POLN: variants seen among roughly 807,000 people sequenced by gnomAD.
POLN encodes the protein DNA polymerase nu.
Under a neutral mutation model 113.5 loss-of-function variants are expected in POLN, and 108 were observed. The observed-to-expected ratio is 0.95, with a 90% CI of 0.81 to 1.12. The LOEUF (loss-of-function observed/expected upper bound fraction) is 1.12, where lower values mean the gene tolerates loss of function less well. Among genes scored for constraint, POLN ranks in the 50% most tolerant of loss-of-function variants. POLN has a pLI of 0.00. For missense variants in POLN, 1,097 were observed against 1,077.1 expected, an observed-to-expected ratio of 1.02 and a Z score of -0.26; for synonymous variants, 386 against 391.5, an observed-to-expected ratio of 0.99 and a Z score of 0.17.
At chr4:2,110,112 A>C (rs1407279246) in intron 19 of POLN, among the ~76,000 whole-genome samples, 1 of 152,246 alleles carries the variant, frequency 6.6e-6, no homozygotes, top group Non-Finnish European at 1.5e-5. Context: ...ACTACATGGA[A>C]ACTGAACAAC....
At chr4:2,239,800 T>A (rs1320580669) in intron 2 of POLN, among the ~76,000 whole-genome samples, 1 of 152,252 alleles carries the variant, frequency 6.6e-6, no homozygotes, top group Non-Finnish European at 1.5e-5. Flanking sequence ...TAAAGCACTT[T>A]TGTTTAAAAT....
At chr4:2,078,645 C>T (rs891968748) in intron 23 of POLN, 24 of 985,336 alleles carry the variant, frequency 2.4e-5, no homozygotes, top group East Asian at 2.3e-4. Context: ...CCCTTCCAGA[C>T]GCCATCCACA....
intron 7 of POLN, among the ~76,000 whole-genome samples, chr4:2,182,003 A>G (rs1733155087): frequency 6.6e-6 from 1 of 151,956 alleles, no homozygotes; most frequent in Admixed American, 6.6e-5. Context: ...CCGTCTCAAA[A>G]AAAAAAAAAA....
At chr4:2,241,896 G>C (rs1026119899) in intron 1 of POLN, 106 bp from the exon 2 acceptor site, 19 of 985,500 alleles carry the variant, frequency 1.9e-5, no homozygotes, top group Non-Finnish European at 2.2e-5. Context: ...CTCGCCCAGC[G>C]GACCGGGCCC....
chr4:2,097,368 T>G (rs1730820004), intron 19 of POLN, among the ~76,000 whole-genome samples: 1 of 151,440 alleles, frequency 6.6e-6, no homozygotes, highest in Non-Finnish European at 1.5e-5. Flanking sequence ...TTTTTTTTTT[T>G]GAGACAGAGT....
chr4:2,079,836 C>A, intron 23 of POLN: 2 of 975,992 alleles, frequency 2.0e-6, no homozygotes, highest in Non-Finnish European at 2.4e-6. Context: ...CCACCCGTCT[C>A]GGCCTCCCAA....
chr4:2,107,209 T>C (rs1452789022), intron 19 of POLN, among the ~76,000 whole-genome samples: 1 of 152,198 alleles, frequency 6.6e-6, no homozygotes, highest in Non-Finnish European at 1.5e-5. Context: ...AGGTCCTAGT[T>C]TTAATAGTTT....
intron 12 of POLN, 47 bp from the exon 13 acceptor site, chr4:2,170,821 A>C (rs1455381992): frequency 6.5e-7 from 1 of 1,531,800 alleles, no homozygotes. Flanking sequence ...CACATTTGAG[A>C]GAAACAGAAC....
At position 2,235,967 on chromosome 4, in the gene POLN, AT is replaced by A. The variant is rs561447259; in HGVS notation, c.-13+5552del. Among the ~76,000 whole-genome samples, 12 of 152,200 alleles carry A rather than the reference AT, an allele frequency of 7.9e-5. 1 individual carries two copies. The South Asian group carries it at 2.5e-3, about 32-fold the overall frequency. ...AAAAAATACAGAGGCGGTTTTATTT[AT>A]TTTTTAACACTAGTATAAACATTAC... On this transcript the variant is annotated intron_variant, in intron 2 of 25. Transcript: ENST00000511885.
rs544669580 is a variant in POLN at position 2,143,612 on chromosome 4, A to G, written c.1732-12322T>C. Among the ~76,000 whole-genome samples, 10 of 152,326 alleles carry G rather than the reference A, an allele frequency of 6.6e-5. No homozygotes were observed. In the East Asian group the frequency reaches 1.9e-3, roughly 29 times the overall value. On this transcript the variant is annotated intron_variant, in intron 16 of 25. Coordinates refer to ENST00000511885, the MANE Select transcript of POLN (RefSeq NM_181808.4). ...TGATTTCATTAGAGGATTCTATCAA[A>G]TATTTAAAGGAGAATTAACACCAAT...
intron 10 of POLN, 117 bp from the exon 11 acceptor site, chr4:2,174,136 C>A (rs1732936259): frequency 3.2e-6 from 3 of 933,740 alleles, no homozygotes; most frequent in African/African-American, 3.3e-5. Context: ...ATTTACTCAG[C>A]ACCTGCTGCA....
intron 16 of POLN, among the ~76,000 whole-genome samples, chr4:2,136,596 T>G (rs1197444159): frequency 1.3e-5 from 2 of 152,256 alleles, no homozygotes; most frequent in Non-Finnish European, 2.9e-5. Context: ...GAGATGACGT[T>G]TTAATTCTAC....
In POLN at chr4:2,216,750, C is replaced by T. The variant is rs114401642; in HGVS notation, c.134-3624G>A. On this transcript the variant is annotated intron_variant, in intron 3 of 25. Transcript: ENST00000511885. ...AGATGAATCACTGTACCTTCTAGGGCACAAGGGGTTCAGTGTTGTCAAATG... is the reference window on the plus strand; with the variant it reads ...AGATGAATCACTGTACCTTCTAGGGTACAAGGGGTTCAGTGTTGTCAAATG... Among the ~76,000 whole-genome samples, 1,245 of 152,332 alleles carry T rather than the reference C, an allele frequency of 8.2e-3. 16 individuals carry two copies. Among genetic ancestry groups the T allele is most frequent in the African/African-American group, 0.028 (1,182 of 41,572 alleles).
At chr4:2,072,688 TCCC>T (rs1730178242) in intron 25 of POLN, among the ~76,000 whole-genome samples, 1 of 152,090 alleles carries the variant, frequency 6.6e-6, no homozygotes, top group African/African-American at 2.4e-5. Context: ...AGGAGAGCCC[TCCC>T]GGGGGTCCCT....
At chr4:2,115,978 C>T (rs868175699) in intron 19 of POLN, among the ~76,000 whole-genome samples, 35 of 152,324 alleles carry the variant, frequency 2.3e-4, no homozygotes, top group Non-Finnish European at 3.2e-4. Flanking sequence ...GCCAGCTTTT[C>T]GGGTTCACTT....
intron 3 of POLN, among the ~76,000 whole-genome samples, chr4:2,213,537 T>A (rs953603500): frequency 6.6e-6 from 1 of 152,156 alleles, no homozygotes; most frequent in African/African-American, 2.4e-5. Flanking sequence ...CTAATTTAGA[T>A]TTTGATTTAA....
chr4:2,155,857 CAG>C (rs975825591), intron 16 of POLN, among the ~76,000 whole-genome samples: 48 of 151,220 alleles, frequency 3.2e-4, no homozygotes, highest in African/African-American at 1.1e-3. Flanking sequence ...TTTTTTTTGA[CAG>C]AGTCTCGCTC....
rs1262115987 is a variant in POLN, at chr4:2,090,342, A to AC, written c.2066-4599_2066-4598insG. 4 of 781,426 alleles carry AC rather than the reference A, an allele frequency of 5.1e-6. No homozygotes were observed. The East Asian group carries it at 7.4e-5, about 15-fold the overall frequency. The allele number at this position is 781,426 out of a possible 1,614,324, so 48.4% of individuals were successfully genotyped here. A position where few individuals can be genotyped will look rare whatever the true frequency, so the allele number is the denominator to read the frequency against. On this transcript the variant is annotated intron_variant, in intron 20 of 25. Coordinates refer to ENST00000511885, the MANE Select transcript of POLN (RefSeq NM_181808.4). ...TATTTCATCTGGCACAGCATCTCCA[A>AC]GTACTTTCTCTCATGTGATCAAGGC... is the stretch of plus-strand genomic sequence containing the variant.
chr4:2,150,722 G>A (rs529966), intron 16 of POLN, among the ~76,000 whole-genome samples: 115,620 of 152,010 alleles, frequency 0.76, 46,260 homozygotes, highest in Non-Finnish European at 0.89. Flanking sequence ...AAGGCGCCAA[G>A]GTAATTAAAT....
Sources: gnomAD v4.1 joint callset for allele counts (sites outside exome capture counted in the v4.1 genomes callset) on GRCh38, gnomAD v4.1.1 for gene constraint, MANE v1.5 for transcripts, NCBI Gene and HGNC (gene_info 2026-07-23, HGNC 2026-07-21) for gene names.